The following FKTN variants were observed in gnomAD, a reference collection of about 807,000 sequenced individuals.
FKTN encodes the protein fukutin.
In FKTN, 47 loss-of-function variants were observed where a neutral mutation model predicts 58.6. That is an observed-to-expected ratio of 0.80 (90% CI 0.63 to 1.02). The LOEUF is 1.02. Among genes scored for constraint, FKTN ranks in the 50% least tolerant of loss-of-function variants. The probability of loss-of-function intolerance (pLI) is 0.00; values close to 1 mark genes in which losing one functional copy is unlikely to be tolerated. For missense variants in FKTN, 516 were observed against 537.3 expected, an observed-to-expected ratio of 0.96 and a Z score of 0.39; for synonymous variants, 178 against 191.9, an observed-to-expected ratio of 0.93 and a Z score of 0.60.
intron 10 of FKTN, among the ~76,000 whole-genome samples, chr9:105,624,623 C>CAAAAAAAAAAA (rs779770311): frequency 4.3e-5 from 3 of 69,184 alleles, no homozygotes; most frequent in Non-Finnish European, 6.3e-5. Flanking sequence ...AGAGCAAAAC[C>CAAAAAAAAAAA]AAAAAAAAAA....
chr9:105,623,651 G>A (rs1221144272), intron 10 of FKTN, among the ~76,000 whole-genome samples: 3 of 152,148 alleles, frequency 2.0e-5, no homozygotes, highest in African/African-American at 7.2e-5. Context: ...TGTGGATCCT[G>A]TGTAATTTAT....
At chr9:105,617,274 T>G (rs1377816123) in intron 8 of FKTN, among the ~76,000 whole-genome samples, 1 of 152,202 alleles carries the variant, frequency 6.6e-6, no homozygotes, top group Non-Finnish European at 1.5e-5. Context: ...GGTACATGTT[T>G]TATTTCTTCA....
chr9:105,559,159 A>G (rs991372308), intron 1 of FKTN, among the ~76,000 whole-genome samples: 16 of 152,212 alleles, frequency 1.1e-4, no homozygotes, highest in Non-Finnish European at 2.2e-4. Context: ...GAATTCCAGC[A>G]TGCAATAGTG....
At chr9:105,566,101 G>T (rs970062776) in intron 1 of FKTN, among the ~76,000 whole-genome samples, 6 of 152,066 alleles carry the variant, frequency 3.9e-5, no homozygotes, top group Non-Finnish European at 7.4e-5. Context: ...TTGAAACCAA[G>T]GAGAACAAAG....
rs947569662 is a variant in FKTN at position 105,639,044 on chromosome 9, T to C, written c.*3780T>C. Reference sequence around the variant, plus strand: ...CTAAGTTTCCCCCCTAGTTTCACTTTCTGGAAAGTGAACAGTTTTTTAAAT... The same window carrying C: ...CTAAGTTTCCCCCCTAGTTTCACTTCCTGGAAAGTGAACAGTTTTTTAAAT... On this transcript the variant is annotated 3_prime_UTR_variant, in exon 11 of 11. Coordinates refer to ENST00000357998, the MANE Select transcript of FKTN (RefSeq NM_001079802.2). 1.0e-6 allele frequency: 1 copy of C among 985,432 alleles called. No individual in the cohort carries two copies. 61.0% of individuals were successfully genotyped at this position (985,432 alleles called of 1,614,324 possible).
intron 3 of FKTN, among the ~76,000 whole-genome samples, chr9:105,588,515 C>A (rs1324802392): frequency 6.6e-6 from 1 of 152,154 alleles, no homozygotes; most frequent in Admixed American, 6.5e-5. Context: ...TCTAGGAACT[C>A]ACAAATTGGG....
intron 10 of FKTN, among the ~76,000 whole-genome samples, chr9:105,632,501 A>C (rs1833603452): frequency 6.6e-6 from 1 of 151,680 alleles, no homozygotes; most frequent in Non-Finnish European, 1.5e-5. Context: ...TGTTGTCTCT[A>C]TCTCTCTGAG....
intron 4 of FKTN, among the ~76,000 whole-genome samples, chr9:105,597,935 A>T (rs1036789131): frequency 1.5e-4 from 23 of 152,300 alleles, no homozygotes; most frequent in African/African-American, 5.5e-4. Context: ...AACCAACAAC[A>T]TTCTGACAAC....
In FKTN at chr9:105,620,032, C is replaced by A. The variant is rs770778747; in HGVS notation, c.1143C>A (p.Gly381=). 2 of 1,611,534 alleles carry A rather than the reference C, an allele frequency of 1.2e-6. No homozygotes were observed. Among genetic ancestry groups the A allele is most frequent in the South Asian group, 2.2e-5 (2 of 91,044 alleles). Residue 381 remains glycine (G), a synonymous_variant, in exon 10 of 11, where the codon GGC becomes GGA. Transcript: ENST00000357998. The stretch of plus-strand genomic sequence containing the variant: ...AAACTGATCACATGTGGAATGGAGG[C>A]ACTCAGGCCAAAACAGGAAAAAAAT... ...YEETDHMWNG[G]TQAKTGKKFK...
chr9:105,626,184 T>C (rs1001247792), intron 10 of FKTN, among the ~76,000 whole-genome samples: 2 of 152,242 alleles, frequency 1.3e-5, no homozygotes, highest in African/African-American at 4.8e-5. Flanking sequence ...TAGGTGATGC[T>C]GTAGTGAACA....
chr9:105,579,852 G>A (rs888435205), intron 3 of FKTN, among the ~76,000 whole-genome samples: 6 of 151,854 alleles, frequency 4.0e-5, no homozygotes, highest in Non-Finnish European at 5.9e-5. Context: ...GGGTGCTCCT[G>A]TATTGGGTGC....
intron 1 of FKTN, among the ~76,000 whole-genome samples, chr9:105,564,722 T>G (rs1279010869): frequency 6.6e-6 from 1 of 152,072 alleles, no homozygotes; most frequent in Non-Finnish European, 1.5e-5. Flanking sequence ...GGAAAGTACT[T>G]TGCAGGATAT....
At chr9:105,581,921 C>G (rs944636366) in intron 3 of FKTN, among the ~76,000 whole-genome samples, 1 of 152,118 alleles carries the variant, frequency 6.6e-6, no homozygotes, top group African/African-American at 2.4e-5. Context: ...GTGGGAGTGA[C>G]CCGATTTTCC....
intron 3 of FKTN, among the ~76,000 whole-genome samples, chr9:105,579,144 G>T (rs1171554478): frequency 1.3e-5 from 2 of 151,986 alleles, no homozygotes; most frequent in African/African-American, 2.4e-5. Context: ...TTTTTGAATG[G>T]TTTTTTGTGT....
chr9:105,559,964 T>A (rs1212732132), intron 1 of FKTN, among the ~76,000 whole-genome samples: 2 of 152,166 alleles, frequency 1.3e-5, no homozygotes, highest in African/African-American at 2.4e-5. Context: ...TTAAAAAAGT[T>A]ACATATAGTT....
chr9:105,573,796 T>A (rs756420526), intron 2 of FKTN, 50 bp downstream of exon 2: 11 of 152,188 alleles, frequency 7.2e-5, no homozygotes, highest in Non-Finnish European at 1.3e-4. Context: ...AAATTACCTA[T>A]CAGGAGTTGG....
At position 105,638,251 on chromosome 9, in the gene FKTN, G is replaced by C; in HGVS notation, c.*2987G>C. On this transcript the variant is annotated 3_prime_UTR_variant, in exon 11 of 11. Coordinates refer to ENST00000357998, the MANE Select transcript of FKTN (RefSeq NM_001079802.2). Reference sequence around the variant, plus strand: ...AGATGCTTAACAGAGAAGGCATCCAGTGCTTCATTGAGGCTAAGTCTCAGG... The same window carrying C: ...AGATGCTTAACAGAGAAGGCATCCACTGCTTCATTGAGGCTAAGTCTCAGG... The C allele has an allele frequency of 2.0e-6, 2 of 985,392 alleles. No individual in the cohort carries two copies. The highest frequency in any genetic ancestry group is 2.4e-6 in the Non-Finnish European group (2 of 829,902). The allele number at this position is 985,392 out of a possible 1,614,324, so 61.0% of individuals were successfully genotyped here. A position where few individuals can be genotyped will look rare whatever the true frequency, so the allele number is the denominator to read the frequency against.
At chr9:105,608,019 G>A (rs1588136971) in intron 7 of FKTN, 68 bp downstream of exon 7, 2 of 1,361,774 alleles carry the variant, frequency 1.5e-6, no homozygotes, top group East Asian at 2.3e-5. Context: ...ATATTTGAGG[G>A]TGGTAAGATG....
At position 105,618,109 on chromosome 9, in the gene FKTN, G is replaced by C. The variant is rs200801909; in HGVS notation, c.1044+17G>C. 1.9e-6 allele frequency: 3 copies of C among 1,607,042 alleles called. No individual in the cohort carries two copies. The African/African-American group carries it at 4.0e-5, about 21-fold the overall frequency. Reference sequence around the variant, plus strand: ...TTTGGGAAGGTCAGTAACAAAAGTCGGCTTCATTTCATAAGTAACATATCT... The same window carrying C: ...TTTGGGAAGGTCAGTAACAAAAGTCCGCTTCATTTCATAAGTAACATATCT... On this transcript the variant is annotated intron_variant, in intron 9 of 10. Coordinates refer to ENST00000357998, the MANE Select transcript of FKTN (RefSeq NM_001079802.2).
Sources: gnomAD v4.1 joint callset for allele counts (sites outside exome capture counted in the v4.1 genomes callset) on GRCh38, gnomAD v4.1.1 for gene constraint, MANE v1.5 for transcripts, NCBI Gene and HGNC (gene_info 2026-07-23, HGNC 2026-07-21) for gene names.